The following SMCO2 variants were observed in gnomAD, a reference collection of about 807,000 sequenced individuals.
SMCO2 encodes the protein single-pass membrane protein with coiled-coil domains 2, also known as single-pass membrane and coiled-coil domain-containing protein 2.
A neutral mutation model predicts 29.5 loss-of-function variants in SMCO2; 25 were observed. That is an observed-to-expected ratio of 0.85 (90% CI 0.62 to 1.18). The LOEUF is 1.18. SMCO2 is among the 50% of genes most tolerant of loss of function. The pLI is 0.00. For synonymous variants in SMCO2, 117 were observed against 123.3 expected, an observed-to-expected ratio of 0.95 and a Z score of 0.34; for missense variants, 348 against 344.5, an observed-to-expected ratio of 1.01 and a Z score of -0.08.
At chr12:27,451,751 C>T in the SMCO2 span, among the ~76,000 whole-genome samples, 35 of 152,254 alleles carry the variant, frequency 2.3e-4, no homozygotes, top group African/African-American at 7.9e-4. Flanking sequence ...ACAAACTGTA[C>T]GTAGTAGGTG....
chr12:27,491,830 A>G (rs1323413447), intron 5 of SMCO2, among the ~76,000 whole-genome samples: 1 of 151,336 alleles, frequency 6.6e-6, no homozygotes, highest in African/African-American at 2.4e-5. Flanking sequence ...CAGTCTCCCC[A>G]GTAGCTGGGA....
chr12:27,426,976 T>C, the SMCO2 span, among the ~76,000 whole-genome samples: 2 of 152,238 alleles, frequency 1.3e-5, no homozygotes, highest in Non-Finnish European at 2.9e-5. Context: ...AAGTAAGCAC[T>C]TATTTATCCT....
chr12:27,428,542 T>C, the SMCO2 span, among the ~76,000 whole-genome samples: 1 of 151,578 alleles, frequency 6.6e-6, no homozygotes, highest in Admixed American at 6.6e-5. Flanking sequence ...ACCTTTTTAA[T>C]GTTAATCTTG....
the SMCO2 span, among the ~76,000 whole-genome samples, chr12:27,432,371 A>G: frequency 1.2e-4 from 18 of 152,342 alleles, no homozygotes; most frequent in South Asian, 3.1e-3. Context: ...AAAAAAATAC[A>G]TTAGAAACTT....
chr12:27,429,233 GA>G, the SMCO2 span, among the ~76,000 whole-genome samples: 1 of 151,328 alleles, frequency 6.6e-6, no homozygotes. Context: ...TTCATTTTTG[GA>G]AAATTCAGGA....
chr12:27,489,797 G>A (rs1178377576), intron 5 of SMCO2, among the ~76,000 whole-genome samples: 1 of 152,148 alleles, frequency 6.6e-6, no homozygotes, highest in African/African-American at 2.4e-5. Context: ...AAAAAGGGAA[G>A]AGGACAAAGG....
chr12:27,496,565 C>A (rs1943006407), intron 7 of SMCO2, among the ~76,000 whole-genome samples: 1 of 150,584 alleles, frequency 6.6e-6, no homozygotes, highest in South Asian at 2.1e-4. Flanking sequence ...ACACTACCAG[C>A]AAATTCTGGC....
the SMCO2 span, among the ~76,000 whole-genome samples, chr12:27,457,206 C>T: frequency 6.6e-5 from 10 of 152,228 alleles, no homozygotes; most frequent in South Asian, 4.1e-4. Flanking sequence ...CTCCCCAGGC[C>T]GCACACATTA....
chr12:27,491,641 G>C (rs1949736245), intron 5 of SMCO2, among the ~76,000 whole-genome samples: 1 of 151,690 alleles, frequency 6.6e-6, no homozygotes, highest in South Asian at 2.1e-4. Context: ...ATGATGCCTA[G>C]CGCAATGGCC....
the SMCO2 span, among the ~76,000 whole-genome samples, chr12:27,448,018 C>T: frequency 6.6e-6 from 1 of 152,180 alleles, no homozygotes; most frequent in Non-Finnish European, 1.5e-5. Flanking sequence ...TGTATCTTTA[C>T]GCATGCTTGC....
rs937172397 is a variant in SMCO2, at chr12:27,500,329, C to G, written c.684-1594C>G. Among the ~76,000 whole-genome samples the G allele has an allele frequency of 4.0e-5, 6 of 149,246 alleles. 2 individuals are homozygous for G. Among genetic ancestry groups the G allele is most frequent in the African/African-American group, 1.5e-4 (6 of 39,718 alleles). On this transcript the variant is annotated intron_variant, in intron 7 of 7. Coordinates refer to ENST00000298876, the Ensembl canonical transcript of SMCO2. ...AGTATTTACCGTAGGACAGAAAAAA[C>G]TAGATGAGTATACTCTAAATGTAGG...
the SMCO2 span, chr12:27,424,999 G>A: frequency 1.3e-5 from 2 of 152,132 alleles, no homozygotes; most frequent in Non-Finnish European, 2.9e-5. Flanking sequence ...GGCTTAGAGA[G>A]CTTTCCAGGT....
chr12:27,501,415 C>CAAAAAAAAAAAAAAAA (rs540673188), intron 7 of SMCO2, among the ~76,000 whole-genome samples: 2 of 85,868 alleles, frequency 2.3e-5, no homozygotes, highest in African/African-American at 9.6e-5. Flanking sequence ...GACTCCGTCT[C>CAAAAAAAAAAAAAAAA]AAAAAAAAAA....
chr12:27,470,555 C>A, intron 1 of SMCO2, 67 bp from the exon 2 acceptor site: 1 of 1,496,852 alleles, frequency 6.7e-7, no homozygotes, highest in Non-Finnish European at 9.0e-7. Flanking sequence ...AGTCTGGTGT[C>A]AATGAAGAGG....
chr12:27,476,130 G>A (rs1457615397), intron 4 of SMCO2, among the ~76,000 whole-genome samples: 2 of 152,112 alleles, frequency 1.3e-5, no homozygotes, highest in African/African-American at 4.8e-5. Context: ...TGGTCATTCA[G>A]GAGCATGTTG....
intron 4 of SMCO2, among the ~76,000 whole-genome samples, chr12:27,481,814 G>C (rs931712014): frequency 4.6e-5 from 7 of 152,150 alleles, no homozygotes; most frequent in South Asian, 2.1e-4. Context: ...CTTATTATAT[G>C]ATGTCTTTAG....
chr12:27,440,648 G>GTTT, the SMCO2 span, among the ~76,000 whole-genome samples: 4,120 of 122,096 alleles, frequency 0.034, 156 homozygotes, highest in African/African-American at 0.074. Context: ...TTTTCTGTGG[G>GTTT]TTTTTTTTTT....
At chr12:27,445,946 C>T in the SMCO2 span, among the ~76,000 whole-genome samples, 1 of 151,690 alleles carries the variant, frequency 6.6e-6, no homozygotes, top group Non-Finnish European at 1.5e-5. Flanking sequence ...CTCTGTCGCC[C>T]AGTCTGGAGT....
the SMCO2 span, among the ~76,000 whole-genome samples, chr12:27,447,722 C>CT: frequency 2.9e-4 from 28 of 97,262 alleles, 2 homozygotes; most frequent in South Asian, 2.0e-3. Context: ...GAGCAAGACT[C>CT]TGTCTCAAAA....
Sources: gnomAD v4.1 joint callset for allele counts (sites outside exome capture counted in the v4.1 genomes callset) on GRCh38, gnomAD v4.1.1 for gene constraint, MANE v1.5 for transcripts, NCBI Gene and HGNC (gene_info 2026-07-23, HGNC 2026-07-21) for gene names.